The following SUCLG2 variants were observed in gnomAD, a reference collection of about 807,000 sequenced individuals.
The protein encoded by SUCLG2 is succinate--CoA ligase [GDP-forming] subunit beta, mitochondrial.
SUCLG2 carries 42 observed loss-of-function variants against 47.9 expected under a neutral mutation model. The ratio of observed to expected loss-of-function variants is 0.88; its 90% CI spans 0.69 to 1.14. The LOEUF (loss-of-function observed/expected upper bound fraction) is 1.14, where lower values mean the gene tolerates loss of function less well. Ranked by LOEUF, SUCLG2 falls within the 50% of genes most tolerant of loss-of-function variation. The probability of loss-of-function intolerance (pLI) is 0.00; values close to 1 mark genes in which losing one functional copy is unlikely to be tolerated. For synonymous variants in SUCLG2, 195 were observed against 197.3 expected, an observed-to-expected ratio of 0.99 and a Z score of 0.10; for missense variants, 571 against 525.9, an observed-to-expected ratio of 1.09 and a Z score of -0.84.
Position 67,529,133 on chromosome 3 carries a change from C to T in SUCLG2, c.280G>A (p.Gly94Ser), listed in dbSNP as rs202209817. 1.2e-6 allele frequency: 2 copies of T among 1,613,452 alleles called. No homozygotes were observed. The highest frequency in any genetic ancestry group is 1.7e-6 in the Non-Finnish European group (2 of 1,179,754). Residue 94 changes from glycine (G) to serine (S), a missense_variant, in exon 3 of 11, where the codon GGT (glycine) becomes AGT (serine). Gly to Ser is a moderately conservative substitution (Grantham distance 56). Coordinates refer to ENST00000307227, the MANE Select transcript of SUCLG2 (RefSeq NM_003848.4). ...AQILAGGRGK[G>S]VFNSGLKGGV... Reference sequence around the variant, plus strand: ...CCTTTCAAACCACTATTGAAGACACCTTTTCCTCTTCCTCCAGCTAAGATC... The same window carrying T: ...CCTTTCAAACCACTATTGAAGACACTTTTTCCTCTTCCTCCAGCTAAGATC...
At chr3:67,592,946 C>T (rs1032546081) in intron 2 of SUCLG2, among the ~76,000 whole-genome samples, 2 of 152,174 alleles carry the variant, frequency 1.3e-5, no homozygotes, top group African/African-American at 2.4e-5. Context: ...ATGTCCATGG[C>T]TTCCTTGCTT....
At chr3:67,364,430 C>A (rs994023987) in intron 10 of SUCLG2, among the ~76,000 whole-genome samples, 24 of 151,950 alleles carry the variant, frequency 1.6e-4, no homozygotes, top group Admixed American at 5.2e-4. Context: ...GACTTCCACC[C>A]CCCCCACCCC....
chr3:67,628,941 A>C (rs1006547050), intron 1 of SUCLG2, among the ~76,000 whole-genome samples: 8 of 152,216 alleles, frequency 5.3e-5, no homozygotes, highest in Non-Finnish European at 8.8e-5. Flanking sequence ...CAGCGGGAAA[A>C]GGCAGACAGG....
At chr3:67,568,748 G>A (rs1272806550) in intron 2 of SUCLG2, among the ~76,000 whole-genome samples, 3 of 152,136 alleles carry the variant, frequency 2.0e-5, no homozygotes, top group Non-Finnish European at 2.9e-5. Context: ...TTAGCCGGGC[G>A]TGGTAGCGGG....
intron 10 of SUCLG2, among the ~76,000 whole-genome samples, chr3:67,385,071 G>GCT (rs377090696): frequency 2.8e-3 from 425 of 152,274 alleles, no homozygotes; most frequent in African/African-American, 9.6e-3. Flanking sequence ...GTGCTCGCTC[G>GCT]CTCTTTTTGA....
chr3:67,643,246 A>G (rs1018880844), intron 1 of SUCLG2, among the ~76,000 whole-genome samples: 1 of 152,204 alleles, frequency 6.6e-6, no homozygotes, highest in Non-Finnish European at 1.5e-5. Flanking sequence ...TGTGACTTAA[A>G]CTACAACGAC....
intron 2 of SUCLG2, among the ~76,000 whole-genome samples, chr3:67,540,721 G>C (rs1263524403): frequency 6.6e-6 from 1 of 152,216 alleles, no homozygotes; most frequent in Non-Finnish European, 1.5e-5. Context: ...GCCTCCTCTA[G>C]TGGGTCCCTG....
chr3:67,618,984 A>G (rs1362672717), intron 1 of SUCLG2, among the ~76,000 whole-genome samples: 1 of 152,242 alleles, frequency 6.6e-6, no homozygotes, highest in Non-Finnish European at 1.5e-5. Context: ...CATCTCTGAT[A>G]GTGCCACATG....
At chr3:67,508,196 T>C (rs750353871) in intron 7 of SUCLG2, among the ~76,000 whole-genome samples, 2 of 152,126 alleles carry the variant, frequency 1.3e-5, no homozygotes, top group Non-Finnish European at 1.5e-5. Context: ...GACTTGGGGC[T>C]TTACCAAGGT....
At chr3:67,482,566 C>T (rs1033373531) in intron 9 of SUCLG2, among the ~76,000 whole-genome samples, 2 of 152,162 alleles carry the variant, frequency 1.3e-5, no homozygotes, top group Non-Finnish European at 2.9e-5. Flanking sequence ...TTTGGATTAA[C>T]TATTTGGTCG....
chr3:67,617,293 C>T (rs1700647386), intron 1 of SUCLG2, among the ~76,000 whole-genome samples: 1 of 152,154 alleles, frequency 6.6e-6, no homozygotes, highest in Non-Finnish European at 1.5e-5. Flanking sequence ...TGCTGTTCTG[C>T]TTAGGCCTTA....
At chr3:67,612,948 G>A (rs1223837361) in intron 1 of SUCLG2, among the ~76,000 whole-genome samples, 4 of 152,160 alleles carry the variant, frequency 2.6e-5, no homozygotes, top group South Asian at 2.1e-4. Flanking sequence ...ATTTATAAAG[G>A]ATATGACAAA....
Position 67,381,195 on chromosome 3 carries a change from TAAATAAATA to T in SUCLG2, c.1184-5345_1184-5337del, listed in dbSNP as rs1402770542. ...CACTTCTATTTTCAAAATAAATAAA[TAAATAAATA>T]AAATAAAATAAAATAAAATAAAAGT... On this transcript the variant is annotated intron_variant, in intron 10 of 10. Transcript: ENST00000307227. Among the ~76,000 whole-genome samples, 9 of 97,420 alleles carry T rather than the reference TAAATAAATA, an allele frequency of 9.2e-5. No homozygotes were observed. The East Asian group carries it at 1.3e-3, about 14-fold the overall frequency. The allele number at this position is 97,420 out of a possible 152,430, so 63.9% of individuals were successfully genotyped here.
intron 2 of SUCLG2, among the ~76,000 whole-genome samples, chr3:67,564,075 G>A (rs1212625540): frequency 6.6e-6 from 1 of 151,996 alleles, no homozygotes; most frequent in Non-Finnish European, 1.5e-5. Context: ...GGGATAAAAA[G>A]AGAAAAACAT....
intron 10 of SUCLG2, among the ~76,000 whole-genome samples, chr3:67,396,334 G>A (rs1304221831): frequency 6.6e-6 from 1 of 151,942 alleles, no homozygotes; most frequent in Non-Finnish European, 1.5e-5. Flanking sequence ...AAATGATAAG[G>A]GGGATATCAC....
In SUCLG2 at chr3:67,412,729, T is replaced by C. The variant is rs202204312; in HGVS notation, c.1063-11878A>G. Among the ~76,000 whole-genome samples the C allele has an allele frequency of 6.6e-5, 10 of 152,302 alleles. No homozygotes were observed. The East Asian group carries it at 1.3e-3, about 21-fold the overall frequency. ...TCACCTCCTTCTCTCTCTCTCAGCA[T>C]TGGGACAGAAGCGATCCCACGCTGC... On this transcript the variant is annotated intron_variant, in intron 9 of 10. Transcript: ENST00000307227.
chr3:67,411,099 A>G (rs1247255586), intron 9 of SUCLG2, among the ~76,000 whole-genome samples: 1 of 152,184 alleles, frequency 6.6e-6, no homozygotes, highest in Non-Finnish European at 1.5e-5. Context: ...ATTAATCTAT[A>G]AACAGGATGT....
chr3:67,580,631 T>C (rs1264154501), intron 2 of SUCLG2, among the ~76,000 whole-genome samples: 1 of 152,166 alleles, frequency 6.6e-6, no homozygotes, highest in Non-Finnish European at 1.5e-5. Flanking sequence ...CGGCAGAGAT[T>C]GTCCCTTGAT....
At chr3:67,429,300 C>T (rs1267942364) in intron 9 of SUCLG2, among the ~76,000 whole-genome samples, 3 of 152,186 alleles carry the variant, frequency 2.0e-5, no homozygotes, top group African/African-American at 7.2e-5. Flanking sequence ...CAATATTCAA[C>T]ATTCTTAAAG....
Sources: allele counts gnomAD v4.1 joint callset (sites outside exome capture counted in the v4.1 genomes callset), GRCh38; gene constraint gnomAD v4.1.1; transcripts MANE v1.5; gene names NCBI Gene and HGNC (gene_info 2026-07-23, HGNC 2026-07-21).